The following PDE10A variants were observed in gnomAD, a reference collection of about 807,000 sequenced individuals.
The protein encoded by PDE10A is phosphodiesterase 10A.
A neutral mutation model predicts 97.7 loss-of-function variants in PDE10A; 39 were observed. The ratio of observed to expected loss-of-function variants is 0.40; its 90% CI spans 0.31 to 0.52. The LOEUF is 0.52. Ranked by LOEUF, PDE10A falls within the 20% of genes least tolerant of loss-of-function variation. PDE10A has a pLI of 0.56. For synonymous variants in PDE10A, 371 were observed against 376.8 expected, an observed-to-expected ratio of 0.98 and a Z score of 0.18; for missense variants, 731 against 1,047.8, an observed-to-expected ratio of 0.70 and a Z score of 4.17.
intron 1 of PDE10A, among the ~76,000 whole-genome samples, chr6:165,792,750 A>G (rs1191120805): frequency 6.6e-6 from 1 of 152,096 alleles, no homozygotes; most frequent in Admixed American, 6.5e-5. Context: ...CCCATTTCCA[A>G]TGGGATGTCC....
intron 1 of PDE10A, among the ~76,000 whole-genome samples, chr6:165,895,285 A>G (rs1781913195): frequency 6.6e-6 from 1 of 152,158 alleles, no homozygotes. Context: ...TGTCCTTATA[A>G]GAAGAGGAGA....
At chr6:165,717,302 G>T (rs1239781760) in intron 1 of PDE10A, among the ~76,000 whole-genome samples, 2 of 152,174 alleles carry the variant, frequency 1.3e-5, no homozygotes, top group Non-Finnish European at 2.9e-5. Context: ...CTATAAAAAT[G>T]TGTACAGGCC....
intron 1 of PDE10A, among the ~76,000 whole-genome samples, chr6:165,672,492 G>A (rs995027511): frequency 1.3e-5 from 2 of 152,210 alleles, no homozygotes; most frequent in African/African-American, 4.8e-5. Flanking sequence ...TGGTTGGATG[G>A]TGGTACGGTT....
chr6:165,439,629 T>G (rs934683093), intron 5 of PDE10A, among the ~76,000 whole-genome samples: 3 of 152,212 alleles, frequency 2.0e-5, no homozygotes, highest in Non-Finnish European at 2.9e-5. Context: ...TTTTAAATTT[T>G]TCTAAGAAAC....
chr6:165,943,382 A>G (rs1783652393), intron 1 of PDE10A, among the ~76,000 whole-genome samples: 1 of 117,900 alleles, frequency 8.5e-6, no homozygotes, highest in African/African-American at 3.4e-5. Flanking sequence ...AAACGAACGA[A>G]CTGAGTATAC....
chr6:165,609,251 C>CA (rs1166764810), intron 1 of PDE10A, among the ~76,000 whole-genome samples: 1 of 152,186 alleles, frequency 6.6e-6, no homozygotes, highest in African/African-American at 2.4e-5. Context: ...GAACCAAAGA[C>CA]AAAAACTACA....
intron 2 of PDE10A, among the ~76,000 whole-genome samples, chr6:165,540,993 A>C (rs1379579161): frequency 6.6e-6 from 1 of 152,166 alleles, no homozygotes; most frequent in Non-Finnish European, 1.5e-5. Context: ...GAAGGGAGGA[A>C]GCCTGGTTTT....
chr6:165,980,471 A>G lies in PDE10A; in HGVS notation c.-615+7058T>C, dbSNP rs185805791. 1.1e-4 allele frequency among the ~76,000 whole-genome samples: 17 copies of G among 152,350 alleles called. No homozygotes were observed. The East Asian group carries it at 3.3e-3, about 29-fold the overall frequency. ...AGGGTTTAGTTAAATCAATTATGGC[A>G]CATTGTACCACGGAATATTATACAG... On this transcript the variant is annotated intron_variant, in intron 1 of 19. Transcript: ENST00000366882.
At chr6:165,466,185 T>G (rs1778638573) in intron 3 of PDE10A, among the ~76,000 whole-genome samples, 1 of 152,220 alleles carries the variant, frequency 6.6e-6, no homozygotes, top group South Asian at 2.1e-4. Context: ...CAAAGGGCTT[T>G]TTATAAATTA....
intron 1 of PDE10A, among the ~76,000 whole-genome samples, chr6:165,763,047 C>T (rs1440401928): frequency 6.6e-6 from 1 of 152,170 alleles, no homozygotes; most frequent in Non-Finnish European, 1.5e-5. Flanking sequence ...TGTCTTGGGG[C>T]AGAATTGTGT....
chr6:165,363,929 C>T (rs571197447), intron 18 of PDE10A, among the ~76,000 whole-genome samples: 84 of 152,156 alleles, frequency 5.5e-4, no homozygotes, highest in African/African-American at 1.4e-3. Flanking sequence ...ATTGTTAAGA[C>T]GGCAATACTT....
intron 1 of PDE10A, among the ~76,000 whole-genome samples, chr6:165,881,392 C>CTTTTTTTTTTTTTT (rs68159417): frequency 2.8e-5 from 3 of 107,024 alleles, no homozygotes; most frequent in Admixed American, 1.0e-4. Flanking sequence ...TTTTTCTTTT[C>CTTTTTTTTTTTTTT]TTTTTTTTTT....
intron 2 of PDE10A, among the ~76,000 whole-genome samples, chr6:165,506,876 T>C (rs544467110): frequency 3.0e-4 from 46 of 152,312 alleles, no homozygotes; most frequent in South Asian, 2.5e-3. Flanking sequence ...CTCTTCGCCC[T>C]ACTTTGCATT....
chr6:165,437,548 T>TA (rs1198902547), intron 5 of PDE10A, among the ~76,000 whole-genome samples: 10 of 152,018 alleles, frequency 6.6e-5, no homozygotes, highest in Admixed American at 5.2e-4. Context: ...TCTATGTAGT[T>TA]AAAAAAAATT....
chr6:165,458,685 T>TCA (rs374702289), intron 3 of PDE10A, among the ~76,000 whole-genome samples: 23 of 148,104 alleles, frequency 1.6e-4, no homozygotes, highest in Admixed American at 2.0e-4. Flanking sequence ...ACACACACAC[T>TCA]CACACACACA....
intron 1 of PDE10A, among the ~76,000 whole-genome samples, chr6:165,828,937 C>A (rs945520803): frequency 2.0e-5 from 3 of 152,222 alleles, no homozygotes; most frequent in African/African-American, 7.2e-5. Context: ...TTAATGAAAT[C>A]AAGCTAGTTA....
intron 19 of PDE10A, 36 bp from the exon 20 acceptor site, chr6:165,339,394 AT>A: frequency 1.7e-6 from 2 of 1,201,738 alleles, no homozygotes; most frequent in South Asian, 1.2e-5. Context: ...GCTTTCTCAA[AT>A]TTCAAATTGC....
chr6:165,670,394 C>G (rs1790614952), intron 1 of PDE10A, among the ~76,000 whole-genome samples: 1 of 152,182 alleles, frequency 6.6e-6, no homozygotes, highest in South Asian at 2.1e-4. Flanking sequence ...CATTGAGCTG[C>G]TGCTGCTTTT....
In PDE10A at chr6:165,344,593, C is replaced by G. The variant is rs1275487621; in HGVS notation, c.2784-1091G>C. Reference sequence around the variant, plus strand: ...ACCCAGGCAGACAGCACATTAGGAGCATCCATCTGTCAATCTGGCAGAGAC... The same window carrying G: ...ACCCAGGCAGACAGCACATTAGGAGGATCCATCTGTCAATCTGGCAGAGAC... On this transcript the variant is annotated intron_variant, in intron 18 of 21. Coordinates refer to ENST00000539869, the MANE Select transcript of PDE10A (RefSeq NM_001385079.1). Among the ~76,000 whole-genome samples, 4 of 152,190 alleles carry G rather than the reference C, an allele frequency of 2.6e-5. No individual in the cohort carries two copies. In the East Asian group the frequency reaches 7.7e-4, roughly 29 times the overall value.
Sources: gnomAD v4.1 joint callset for allele counts (sites outside exome capture counted in the v4.1 genomes callset) on GRCh38, gnomAD v4.1.1 for gene constraint, MANE v1.5 for transcripts, NCBI Gene and HGNC (gene_info 2026-07-23, HGNC 2026-07-21) for gene names.